The following ANK3 variants were observed in gnomAD, a reference collection of about 807,000 sequenced individuals.
ANK3 encodes the protein ankyrin 3, also known as ankyrin-3.
A neutral mutation model predicts 370.9 loss-of-function variants in ANK3; 57 were observed. That is an observed-to-expected ratio of 0.15 (90% CI 0.12 to 0.19). The LOEUF (loss-of-function observed/expected upper bound fraction) is 0.19, where lower values mean the gene tolerates loss of function less well. Among genes scored for constraint, ANK3 ranks in the 10% least tolerant of loss-of-function variants. ANK3 has a pLI of 1.00. For synonymous variants in ANK3, 1,929 were observed against 1,946.3 expected, an observed-to-expected ratio of 0.99 and a Z score of 0.23; for missense variants, 4,439 against 5,302.1, an observed-to-expected ratio of 0.84 and a Z score of 5.06.
intron 6 of ANK3, among the ~76,000 whole-genome samples, chr10:60,263,533 T>C (rs1038011778): frequency 1.3e-5 from 2 of 152,208 alleles, no homozygotes; most frequent in Non-Finnish European, 2.9e-5. Context: ...ATGTTTGAGC[T>C]GAACTGTTGA....
At chr10:60,696,820 G>A (rs950832429) in intron 1 of ANK3, among the ~76,000 whole-genome samples, 2 of 142,738 alleles carry the variant, frequency 1.4e-5, no homozygotes, top group Admixed American at 1.4e-4. Flanking sequence ...AAAACTGGAA[G>A]CATTCCCTTT....
chr10:60,365,481 A>G (rs1275918657), intron 1 of ANK3, among the ~76,000 whole-genome samples: 3 of 152,236 alleles, frequency 2.0e-5, no homozygotes, highest in African/African-American at 4.8e-5. Flanking sequence ...ATGATATTGC[A>G]TGACATTATA....
intron 1 of ANK3, among the ~76,000 whole-genome samples, chr10:60,328,057 G>A (rs1277124568): frequency 6.6e-6 from 1 of 152,026 alleles, no homozygotes; most frequent in Non-Finnish European, 1.5e-5. Flanking sequence ...CCTTCTAAAA[G>A]GTATCCAGTG....
rs375999712 is a variant in ANK3 at position 60,074,741 on chromosome 10, G to C, written c.6140C>G (p.Thr2047Arg). Residue 2047 changes from threonine (T) to arginine (R), a missense_variant, in exon 37 of 44, where the codon ACA becomes AGA. By Grantham distance (71) the Thr-to-Arg change is moderately conservative. Transcript: ENST00000280772. ...LTNDIGSSSLTNLKYKFEDAK... is the reference protein window; with the variant it reads ...LTNDIGSSSLRNLKYKFEDAK... ...ATCCTCAAACTTGTATTTTAAGTTT[G>C]TCAGTGAACTACTCCCAATATCATT... 10 of 1,613,950 alleles carry C rather than the reference G, an allele frequency of 6.2e-6. No individual in the cohort carries two copies. The highest frequency in any genetic ancestry group is 1.3e-5 in the African/African-American group (1 of 75,018).
chr10:60,390,324 G>T (rs994219157), upstream of ANK3, among the ~76,000 whole-genome samples: 1 of 152,232 alleles, frequency 6.6e-6, no homozygotes, highest in African/African-American at 2.4e-5. Flanking sequence ...ACAGAAAGAC[G>T]TGAGCATATT....
intron 8 of ANK3, among the ~76,000 whole-genome samples, chr10:60,218,011 CCTT>C (rs1455599647): frequency 6.6e-6 from 1 of 151,884 alleles, no homozygotes; most frequent in East Asian, 1.9e-4. Flanking sequence ...TATGTAATAC[CCTT>C]CTTTTTCTTT....
intron 21 of ANK3, among the ~76,000 whole-genome samples, chr10:60,169,725 T>C: frequency 6.6e-6 from 1 of 152,222 alleles, no homozygotes; most frequent in African/African-American, 2.4e-5. Flanking sequence ...TTTATTGAAT[T>C]ACTTATGTAT....
intron 8 of ANK3, among the ~76,000 whole-genome samples, chr10:60,215,527 A>T (rs561562842): frequency 2.0e-5 from 3 of 152,176 alleles, no homozygotes; most frequent in African/African-American, 7.2e-5. Context: ...CCTTAAGCTA[A>T]TTTTTGTATT....
At chr10:60,222,656 T>C (rs1046825759) in intron 8 of ANK3, among the ~76,000 whole-genome samples, 1 of 152,172 alleles carries the variant, frequency 6.6e-6, no homozygotes, top group African/African-American at 2.4e-5. Flanking sequence ...AAGTTAGCAT[T>C]CAAAGTCGTC....
Position 60,086,819 on chromosome 10 carries a change from A to G in ANK3, c.3606T>C (p.Ile1202=). The G allele has an allele frequency of 6.2e-7, 1 of 1,613,870 alleles. No individual in the cohort carries two copies. The highest frequency in any genetic ancestry group is 1.1e-5 in the South Asian group (1 of 91,068). ...TCCGTCTTCTTGGTTCCACAGTGAC[A>G]ATTGGGCTAAAAGTTGCTTTGTTTC... The part of the protein sequence containing the change: ...ILGNKATFSP[I]VTVEPRRRKF... The change falls in exon 30 of 44, where the codon ATT becomes ATC. Residue 1202 remains isoleucine, a synonymous_variant. Transcript: ENST00000280772.
chr10:60,103,099 TGCCACCAC>T (rs1326688743), intron 28 of ANK3, among the ~76,000 whole-genome samples: 1 of 151,984 alleles, frequency 6.6e-6, no homozygotes, highest in Non-Finnish European at 1.5e-5. Flanking sequence ...TACAAGCACA[TGCCACCAC>T]GCCCAGCTAA....
At chr10:60,577,212 T>C (rs7081445) in intron 2 of ANK3, among the ~76,000 whole-genome samples, 71,658 of 151,876 alleles carry the variant, frequency 0.47, 17,288 homozygotes, top group Middle Eastern at 0.52. Context: ...AGGCTAAGGA[T>C]GGTCTTGTAG....
At chr10:60,156,094 T>C (rs1029452936) in intron 23 of ANK3, among the ~76,000 whole-genome samples, 3 of 152,214 alleles carry the variant, frequency 2.0e-5, no homozygotes, top group African/African-American at 7.2e-5. Context: ...TGCTGACTAA[T>C]ACAGAGGTGG....
intron 27 of ANK3, chr10:60,108,216 G>A (rs1347960509): frequency 6.7e-6 from 3 of 449,452 alleles, no homozygotes; most frequent in Non-Finnish European, 1.3e-5. Flanking sequence ...TGAGGCCCAA[G>A]CTGCAGGATT....
At chr10:60,240,211 TACACATATATATATAC>T (rs1333297193) in intron 7 of ANK3, among the ~76,000 whole-genome samples, 3 of 141,386 alleles carry the variant, frequency 2.1e-5, no homozygotes, top group Non-Finnish European at 4.5e-5. Flanking sequence ...CACATATATA[TACACATATATATATAC>T]ACACATATAT....
intron 1 of ANK3, among the ~76,000 whole-genome samples, chr10:60,310,666 T>C (rs945216297): frequency 6.6e-5 from 10 of 152,220 alleles, no homozygotes; most frequent in African/African-American, 2.4e-4. Context: ...GTAATGCCTA[T>C]GCCAGACAGA....
At chr10:60,191,414 A>G (rs1220176220) in intron 16 of ANK3, among the ~76,000 whole-genome samples, 1 of 152,170 alleles carries the variant, frequency 6.6e-6, no homozygotes, top group Non-Finnish European at 1.5e-5. Flanking sequence ...AAAAGAAGGC[A>G]AAGGACACGA....
At chr10:60,488,581 G>C (rs2133115260) in intron 2 of ANK3, among the ~76,000 whole-genome samples, 1 of 152,062 alleles carries the variant, frequency 6.6e-6, no homozygotes, top group Non-Finnish European at 1.5e-5. Context: ...CTTTCTCCCA[G>C]CCCATTCTCC....
At chr10:60,265,069 A>T (rs1311584710) in intron 5 of ANK3, among the ~76,000 whole-genome samples, 1 of 152,014 alleles carries the variant, frequency 6.6e-6, no homozygotes, top group Non-Finnish European at 1.5e-5. Context: ...AATCCAGCTA[A>T]GTAACATCTT....
Sources: gnomAD v4.1 joint callset for allele counts (sites outside exome capture counted in the v4.1 genomes callset) on GRCh38, gnomAD v4.1.1 for gene constraint, MANE v1.5 for transcripts, NCBI Gene and HGNC (gene_info 2026-07-23, HGNC 2026-07-21) for gene names.